Variants in AGBL4 observed in about 807,000 individuals in gnomAD.
AGBL4 encodes AGBL carboxypeptidase 4.
Under a neutral mutation model 66.4 loss-of-function variants are expected in AGBL4, and 58 were observed. The observed-to-expected ratio is 0.87, with a 90% CI of 0.71 to 1.09. The LOEUF is 1.09. Among genes scored for constraint, AGBL4 ranks in the 50% least tolerant of loss-of-function variants. AGBL4 has a pLI of 0.00. For missense variants in AGBL4, 579 were observed against 631.0 expected, an observed-to-expected ratio of 0.92 and a Z score of 0.88; for synonymous variants, 234 against 222.9, an observed-to-expected ratio of 1.05 and a Z score of -0.44.
At chr1:49,288,086 A>C (rs1350566654) in intron 3 of AGBL4, among the ~76,000 whole-genome samples, 203 of 141,700 alleles carry the variant, frequency 1.4e-3, no homozygotes, top group Non-Finnish European at 2.5e-3. Flanking sequence ...AAATTGGAAA[A>C]CATCATTCTC....
In AGBL4 at chr1:49,750,188, G is replaced by A. The variant is rs574387687; in HGVS notation, c.158-52751C>T. Among the ~76,000 whole-genome samples, 263 of 152,056 alleles carry A rather than the reference G, an allele frequency of 1.7e-3. 1 individual carries two copies. Among genetic ancestry groups the A allele is most frequent in the African/African-American group, 5.9e-3 (244 of 41,488 alleles). On this transcript the variant is annotated intron_variant, in intron 2 of 13. Coordinates refer to ENST00000371839, the MANE Select transcript of AGBL4 (RefSeq NM_032785.4). ...TGTGTAGAAGAAAATATACAAGAGC[G>A]GTATTACCTAGGTTTTCTTCTAGGC...
intron 4 of AGBL4, among the ~76,000 whole-genome samples, chr1:49,111,173 GCGTGATCTCGCCT>G (rs1266895826): frequency 2.0e-5 from 3 of 150,394 alleles, no homozygotes; most frequent in African/African-American, 7.3e-5. Context: ...GAGTGCAGTG[GCGTGATCTCGCCT>G]CACTGCAAGT....
intron 4 of AGBL4, among the ~76,000 whole-genome samples, chr1:49,168,496 G>A (rs936981228): frequency 6.6e-6 from 1 of 152,176 alleles, no homozygotes; most frequent in Admixed American, 6.5e-5. Flanking sequence ...GCAGAAGAAA[G>A]GGTTTATCTT....
intron 4 of AGBL4, among the ~76,000 whole-genome samples, chr1:49,100,385 A>C (rs1179042299): frequency 6.6e-5 from 10 of 152,228 alleles, no homozygotes. Context: ...ATCCCTGAAG[A>C]GGCTTACAGC....
intron 13 of AGBL4, among the ~76,000 whole-genome samples, chr1:48,534,494 G>A (rs1182134009): frequency 6.6e-6 from 1 of 152,026 alleles, no homozygotes; most frequent in Non-Finnish European, 1.5e-5. Flanking sequence ...CTTAGGAGAG[G>A]GGATAATTGT....
At chr1:48,919,846 A>G (rs758401482) in intron 5 of AGBL4, among the ~76,000 whole-genome samples, 1 of 152,224 alleles carries the variant, frequency 6.6e-6, no homozygotes, top group Admixed American at 6.5e-5. Context: ...AGAGAACAAC[A>G]TAAGGGATCT....
chr1:49,504,606 A>C (rs1323470390), intron 3 of AGBL4, among the ~76,000 whole-genome samples: 3 of 151,918 alleles, frequency 2.0e-5, no homozygotes, highest in Admixed American at 1.3e-4. Flanking sequence ...TTCTTTGTCT[A>C]TTTTTATAGT....
chr1:49,973,263 G>A (rs1308916238), intron 1 of AGBL4, among the ~76,000 whole-genome samples: 1 of 152,180 alleles, frequency 6.6e-6, no homozygotes, highest in African/African-American at 2.4e-5. Flanking sequence ...CAGCCCTAGT[G>A]TAACAGGTCA....
At chr1:49,431,285 T>C (rs1045491764) in intron 3 of AGBL4, among the ~76,000 whole-genome samples, 1 of 152,198 alleles carries the variant, frequency 6.6e-6, no homozygotes, top group Admixed American at 6.5e-5. Context: ...AAAAACTCCA[T>C]GTAAATATAA....
chr1:48,847,797 A>AT (rs1646953509), intron 6 of AGBL4, among the ~76,000 whole-genome samples: 1 of 152,158 alleles, frequency 6.6e-6, no homozygotes, highest in Non-Finnish European at 1.5e-5. Context: ...AAATTAAATG[A>AT]TTTTTTACAT....
At chr1:48,625,091 TC>T (rs1266615554) in intron 9 of AGBL4, among the ~76,000 whole-genome samples, 14 of 1,838 alleles carry the variant, frequency 7.6e-3, no homozygotes, top group Non-Finnish European at 0.045. Context: ...TTTTTCTTTC[TC>T]CTTCCTTCCT....
intron 9 of AGBL4, among the ~76,000 whole-genome samples, chr1:48,621,740 C>T (rs1036415632): frequency 6.6e-6 from 1 of 152,028 alleles, no homozygotes; most frequent in Non-Finnish European, 1.5e-5. Context: ...ATGAATGTAT[C>T]ATGATTGACT....
At chr1:49,619,041 C>A (rs1450364000) in intron 3 of AGBL4, among the ~76,000 whole-genome samples, 1 of 152,262 alleles carries the variant, frequency 6.6e-6, no homozygotes, top group African/African-American at 2.4e-5. Context: ...TGGAAGCATT[C>A]CCTTCGAAAA....
Position 49,196,071 on chromosome 1 carries a change from T to G in AGBL4, c.377+49699A>C, listed in dbSNP as rs576035764. On this transcript the variant is annotated intron_variant, in intron 4 of 13. Coordinates refer to ENST00000371839, the MANE Select transcript of AGBL4 (RefSeq NM_032785.4). ...TGATTGTAAGTTTCCTAAGGCCTCC[T>G]CATCCATATGGAACTGTGAGTCAAT... Among the ~76,000 whole-genome samples, 211 of 152,316 alleles carry G rather than the reference T, an allele frequency of 1.4e-3. 2 individuals are homozygous for G. The highest frequency in any genetic ancestry group is 2.1e-3 in the Non-Finnish European group (141 of 68,032).
At chr1:49,551,126 G>A (rs1652918386) in intron 3 of AGBL4, among the ~76,000 whole-genome samples, 1 of 152,006 alleles carries the variant, frequency 6.6e-6, no homozygotes, top group African/African-American at 2.4e-5. Flanking sequence ...ATTTCTATAA[G>A]GGTATCCAAT....
At chr1:49,614,552 G>C (rs1219383378) in intron 3 of AGBL4, among the ~76,000 whole-genome samples, 1 of 152,010 alleles carries the variant, frequency 6.6e-6, no homozygotes, top group Non-Finnish European at 1.5e-5. Flanking sequence ...TACATTACCG[G>C]GACTGAAAAA....
At chr1:49,170,509 A>C (rs1646719238) in intron 4 of AGBL4, among the ~76,000 whole-genome samples, 1 of 144,298 alleles carries the variant, frequency 6.9e-6, no homozygotes, top group Non-Finnish European at 1.5e-5. Context: ...TATATTTATA[A>C]ATTACTATAA....
At chr1:49,642,272 GT>G (rs1317925715) in intron 3 of AGBL4, among the ~76,000 whole-genome samples, 1 of 151,902 alleles carries the variant, frequency 6.6e-6, no homozygotes, top group African/African-American at 2.4e-5. Context: ...TAAAACAATG[GT>G]TTTAAAGACA....
At chr1:49,795,961 A>G (rs1377491298) in intron 2 of AGBL4, among the ~76,000 whole-genome samples, 1 of 152,028 alleles carries the variant, frequency 6.6e-6, no homozygotes, top group East Asian at 1.9e-4. Context: ...AATGTAAATT[A>G]TCTTATGTGA....
Sources: allele counts gnomAD v4.1 joint callset (sites outside exome capture counted in the v4.1 genomes callset), GRCh38; gene constraint gnomAD v4.1.1; transcripts MANE v1.5; gene names NCBI Gene and HGNC (gene_info 2026-07-23, HGNC 2026-07-21).